Variants in STXBP4 observed in about 807,000 individuals in gnomAD.
STXBP4 encodes syntaxin-binding protein 4.
STXBP4 carries 55 observed loss-of-function variants against 76.1 expected under a neutral mutation model. That is an observed-to-expected ratio of 0.72 (90% confidence interval 0.58 to 0.91). The LOEUF is 0.91. Among genes scored for constraint, STXBP4 ranks in the 40% least tolerant of loss-of-function variants. The pLI is 0.00. For missense variants in STXBP4, 618 were observed against 636.9 expected (o/e 0.97, Z 0.32); for synonymous variants, 201 against 220.2 (o/e 0.91, Z 0.77).
the STXBP4 span, among the ~76,000 whole-genome samples, chr17:55,208,258 G>A: frequency 6.6e-6 from 1 of 151,960 alleles, no homozygotes; most frequent in South Asian, 2.1e-4. Flanking sequence ...TCATAGCAGT[G>A]CCCAAGTGAC....
intron 12 of STXBP4, among the ~76,000 whole-genome samples, chr17:55,069,153 CAAAAAAAA>C (rs991465831): frequency 5.3e-5 from 4 of 75,830 alleles, no homozygotes; most frequent in African/African-American, 1.7e-4. Flanking sequence ...TCAGTGTTGC[CAAAAAAAA>C]AAAAAAAAAA....
chr17:55,193,829 A>AC, the STXBP4 span, among the ~76,000 whole-genome samples: 2 of 151,244 alleles, frequency 1.3e-5, no homozygotes, highest in Non-Finnish European at 2.9e-5. Context: ...AAAAAAAAAA[A>AC]AAAAACGTAA....
At chr17:55,022,012 G>A (rs2078321559) in intron 8 of STXBP4, among the ~76,000 whole-genome samples, 1 of 151,988 alleles carries the variant, frequency 6.6e-6, no homozygotes, top group African/African-American at 2.4e-5. Context: ...AAAAATTCAT[G>A]GCAATCAATA....
chr17:54,988,009 T>C (rs1450359975), intron 3 of STXBP4, among the ~76,000 whole-genome samples: 1 of 152,186 alleles, frequency 6.6e-6, no homozygotes, highest in African/African-American at 2.4e-5. Context: ...TAATCTAAAA[T>C]TTTAATAAGA....
chr17:55,097,350 A>T (rs980413838), intron 16 of STXBP4, among the ~76,000 whole-genome samples: 17 of 152,246 alleles, frequency 1.1e-4, no homozygotes, highest in African/African-American at 3.9e-4. Context: ...GGATAAAAAT[A>T]AAGTAACATT....
chr17:54,971,230 AT>A (rs1320666921), intron 1 of STXBP4, among the ~76,000 whole-genome samples: 1 of 152,240 alleles, frequency 6.6e-6, no homozygotes, highest in Non-Finnish European at 1.5e-5. Context: ...AGGCATCAAA[AT>A]CAGTAAGTTA....
In STXBP4 at chr17:55,171,900, T is replaced by G. The variant is rs955225123; in HGVS notation, c.*11989T>G. ...AAGCCACTCAGTTAGTGTGCTTTAT[T>G]TTGGCAGTCTTAGCAAACTAATACA... On this transcript the variant is annotated 3_prime_UTR_variant, in exon 18 of 18. Coordinates refer to ENST00000376352, the MANE Select transcript of STXBP4 (RefSeq NM_178509.6). The G allele has an allele frequency of 6.6e-6, 1 of 152,230 alleles. No individual in the cohort carries two copies. Among genetic ancestry groups the G allele is most frequent in the African/African-American group, 2.4e-5 (1 of 41,454 alleles). 9.4% of individuals were successfully genotyped at this position (152,230 alleles called of 1,614,324 possible).
chr17:55,025,142 A>G (rs78691527), intron 8 of STXBP4, among the ~76,000 whole-genome samples: 1 of 145,366 alleles, frequency 6.9e-6, no homozygotes, highest in Non-Finnish European at 1.5e-5. Context: ...CTCCGTCTCA[A>G]AAAAAAAAAT....
the STXBP4 span, among the ~76,000 whole-genome samples, chr17:55,199,951 A>G: frequency 2.0e-5 from 3 of 152,096 alleles, no homozygotes; most frequent in South Asian, 2.1e-4. Flanking sequence ...TACTTCCCCT[A>G]TCCCCATTCC....
chr17:55,050,383 C>G (rs1289708467), intron 12 of STXBP4, among the ~76,000 whole-genome samples: 2 of 152,048 alleles, frequency 1.3e-5, no homozygotes, highest in Non-Finnish European at 2.9e-5. Flanking sequence ...CAATCTCTTT[C>G]TCTCATAATA....
the STXBP4 span, among the ~76,000 whole-genome samples, chr17:55,190,151 G>A: frequency 1.3e-5 from 2 of 152,152 alleles, no homozygotes; most frequent in Non-Finnish European, 2.9e-5. Flanking sequence ...GGAATCTCTA[G>A]TGAATCACTT....
intron 16 of STXBP4, among the ~76,000 whole-genome samples, chr17:55,121,222 G>A (rs542831132): frequency 6.6e-6 from 1 of 152,076 alleles, no homozygotes; most frequent in East Asian, 1.9e-4. Context: ...TTTTATGAAT[G>A]GTACAAAGAG....
At chr17:55,135,380 A>G in intron 16 of STXBP4, among the ~76,000 whole-genome samples, 1 of 152,092 alleles carries the variant, frequency 6.6e-6, no homozygotes, top group East Asian at 1.9e-4. Context: ...TTTTCCTCAA[A>G]CAACAATGAT....
At chr17:55,135,492 C>A (rs2145134656) in intron 16 of STXBP4, among the ~76,000 whole-genome samples, 1 of 152,094 alleles carries the variant, frequency 6.6e-6, no homozygotes, top group Admixed American at 6.5e-5. Context: ...GTTTAAATCA[C>A]AATTCAGAAA....
chr17:55,062,265 G>T (rs1367647826), intron 12 of STXBP4, among the ~76,000 whole-genome samples: 1 of 152,028 alleles, frequency 6.6e-6, no homozygotes, highest in African/African-American at 2.4e-5. Flanking sequence ...ACAGGCCCCA[G>T]TGTGTGATGA....
intron 11 of STXBP4, chr17:55,043,678 C>A: frequency 6.5e-7 from 1 of 1,546,876 alleles, no homozygotes; most frequent in Admixed American, 2.0e-5. Context: ...CCTGTGAGTT[C>A]TTTGGGAAAT....
At chr17:55,193,887 C>A in the STXBP4 span, among the ~76,000 whole-genome samples, 1 of 150,838 alleles carries the variant, frequency 6.6e-6, no homozygotes, top group Non-Finnish European at 1.5e-5. Flanking sequence ...CTAGCATCAC[C>A]AATCTCAGGA....
intron 10 of STXBP4, among the ~76,000 whole-genome samples, chr17:55,034,493 A>C (rs2144696423): frequency 6.6e-6 from 1 of 152,224 alleles, no homozygotes; most frequent in East Asian, 1.9e-4. Context: ...AGTATTGACA[A>C]TTTGATATGT....
At chr17:55,190,089 G>C in the STXBP4 span, among the ~76,000 whole-genome samples, 18 of 152,122 alleles carry the variant, frequency 1.2e-4, no homozygotes, top group African/African-American at 4.3e-4. Flanking sequence ...TTTTACTGTT[G>C]GGATAATTTG....
Sources: allele counts gnomAD v4.1 joint callset (sites outside exome capture counted in the v4.1 genomes callset), GRCh38; gene constraint gnomAD v4.1.1; transcripts MANE v1.5; gene names NCBI Gene and HGNC (gene_info 2026-07-23, HGNC 2026-07-21).